IL17B: variants seen among roughly 807,000 people sequenced by gnomAD.
IL17B encodes interleukin 17B, also known as interleukin-17B.
In IL17B, 14 loss-of-function variants were observed where a neutral mutation model predicts 14.7. The observed-to-expected ratio is 0.95, with a 90% CI of 0.63 to 1.49. The LOEUF (loss-of-function observed/expected upper bound fraction) is 1.49, where lower values mean the gene tolerates loss of function less well. Among genes scored for constraint, IL17B ranks in the 40% most tolerant of loss-of-function variants. The pLI, the probability that IL17B is intolerant of heterozygous loss-of-function variation, is 0.00. For missense variants in IL17B, 233 were observed against 252.8 expected (o/e 0.92, Z 0.53); for synonymous variants, 105 against 94.8 (o/e 1.11, Z -0.62).
Position 149,374,521 on chromosome 5 carries a change from T to C in IL17B, c.391A>G (p.Thr131Ala), listed in dbSNP as rs777015384. 1 of 1,613,116 alleles carries C rather than the reference T, an allele frequency of 6.2e-7. No homozygotes were observed. The highest frequency in any genetic ancestry group is 1.3e-5 in the African/African-American group (1 of 74,922). Residue 131 changes from threonine to alanine, a missense_variant, in exon 3 of 3, where the codon ACC (threonine) becomes GCC (alanine). By Grantham distance (58) the Thr-to-Ala change is moderately conservative (BLOSUM62 0). Coordinates refer to ENST00000261796, the MANE Select transcript of IL17B (RefSeq NM_014443.3). This position sits in a 1 kb window ranked among gnomAD's most constrained non-coding sequence, Gnocchi z 5.0. ...ACCATGCTGCGGTCCTCCTGCATGG[T>C]GAAGGGGTTCACACAGCCCAGACAC... Reference protein sequence around the residue: ...CLCLGCVNPFTMQEDRSMVSV... With the variant: ...CLCLGCVNPFAMQEDRSMVSV...
chr5:149,400,969 C>CA (rs1759194217), intron 1 of IL17B, among the ~76,000 whole-genome samples: 1 of 152,180 alleles, frequency 6.6e-6, no homozygotes, highest in African/African-American at 2.4e-5. Flanking sequence ...TCTGCATTGG[C>CA]AAAAAGCGAT....
intron 1 of IL17B, among the ~76,000 whole-genome samples, chr5:149,398,850 C>T (rs1759150975): frequency 6.6e-6 from 1 of 152,104 alleles, no homozygotes; most frequent in Admixed American, 6.6e-5. Flanking sequence ...AGTTTGCAGC[C>T]CAGATGTCAC....
chr5:149,389,879 C>T (rs916940521), intron 1 of IL17B, among the ~76,000 whole-genome samples: 4 of 152,142 alleles, frequency 2.6e-5, no homozygotes, highest in South Asian at 4.1e-4. Context: ...GGGTGGTTTA[C>T]GAAGGCTTGG....
chr5:149,386,824 G>A (rs546765051), intron 1 of IL17B, among the ~76,000 whole-genome samples: 1 of 152,292 alleles, frequency 6.6e-6, no homozygotes, highest in East Asian at 1.9e-4. Context: ...TCATGCCTCA[G>A]CCTCCCAAGT....
At chr5:149,384,202 C>T (rs1057473327), upstream of IL17B, among the ~76,000 whole-genome samples, 5 of 152,224 alleles carry the variant, frequency 3.3e-5, no homozygotes, top group Admixed American at 3.3e-4. Context: ...AGCCCTCCTC[C>T]TGTGGGGAAA....
At chr5:149,396,909 G>A (rs6891312) in intron 1 of IL17B, among the ~76,000 whole-genome samples, 6,243 of 152,228 alleles carry the variant, frequency 0.041, 357 homozygotes, top group African/African-American at 0.13. Flanking sequence ...GACGAAGGGC[G>A]TTTTTTTAAG....
Position 149,377,012 on chromosome 5 carries a change from G to A in IL17B, c.35C>T (p.Thr12Ile). 5.1e-6 allele frequency: 8 copies of A among 1,553,752 alleles called. No individual in the cohort carries two copies. The highest frequency in any genetic ancestry group is 6.9e-6 in the Non-Finnish European group (8 of 1,155,552). The change falls in exon 2 of 3, where the codon ACC (threonine) becomes ATC (isoleucine). Residue 12 changes from threonine to isoleucine, a missense_variant. Physicochemically the swap from Thr to Ile is moderately conservative, Grantham distance 89. Coordinates refer to ENST00000261796, the MANE Select transcript of IL17B (RefSeq NM_014443.3). ...DWPHNLLFLL[T>I]ISIFLGLGQP... ...GCCCAGCCCCAGGAAGATGGAAATG[G>A]TAAGAAGAAACAGCTGGGGAGGAAA...
At chr5:149,400,854 G>A (rs1217392716) in intron 1 of IL17B, among the ~76,000 whole-genome samples, 1 of 152,184 alleles carries the variant, frequency 6.6e-6, no homozygotes, top group Non-Finnish European at 1.5e-5. Flanking sequence ...GAGCTCTGAT[G>A]TCTGAAGCCA....
chr5:149,395,704 G>A (rs62380285), intron 1 of IL17B, among the ~76,000 whole-genome samples: 5,301 of 152,120 alleles, frequency 0.035, 130 homozygotes, highest in Non-Finnish European at 0.05. Context: ...GAGGAGTCTC[G>A]CTCTGTTGCC....
At chr5:149,378,795 TG>T (rs1249692626) in intron 1 of IL17B, among the ~76,000 whole-genome samples, 1 of 152,246 alleles carries the variant, frequency 6.6e-6, no homozygotes, top group Non-Finnish European at 1.5e-5. Flanking sequence ...TCTTAAACTC[TG>T]GCTCTCCACT....
At chr5:149,379,385 G>T (rs536304812), upstream of IL17B, 1 of 802,742 alleles carries the variant, frequency 1.2e-6, no homozygotes, top group East Asian at 2.7e-5. Context: ...GGAGCCTTGG[G>T]CCCCCAGCTG....
intron 1 of IL17B, among the ~76,000 whole-genome samples, chr5:149,396,200 T>C (rs1455990671): frequency 6.6e-6 from 1 of 152,274 alleles, no homozygotes; most frequent in African/African-American, 2.4e-5. Context: ...AAATCCATTT[T>C]CTTTTGCAAA....
upstream of IL17B, among the ~76,000 whole-genome samples, chr5:149,383,846 T>C (rs533096706): frequency 2.6e-5 from 4 of 152,170 alleles, no homozygotes; most frequent in Admixed American, 6.5e-5. Context: ...GAAATGTGAG[T>C]TGGGGTAGGA....
At chr5:149,385,750 G>A (rs1284940976) in intron 1 of IL17B, among the ~76,000 whole-genome samples, 1 of 152,264 alleles carries the variant, frequency 6.6e-6, no homozygotes, top group Non-Finnish European at 1.5e-5. Flanking sequence ...CCCCAAAGCT[G>A]TCAGCGTCTC....
intron 2 of IL17B, among the ~76,000 whole-genome samples, chr5:149,376,326 G>A (rs181368630): frequency 2.6e-5 from 4 of 152,320 alleles, no homozygotes; most frequent in East Asian, 1.9e-4. Context: ...TTCTGATGCC[G>A]GCACTGGGAA....
chr5:149,379,955 G>A (rs1006724271), upstream of IL17B, among the ~76,000 whole-genome samples: 1 of 152,184 alleles, frequency 6.6e-6, no homozygotes, highest in African/African-American at 2.4e-5. Context: ...ATTTCAGCCT[G>A]CTGTGAACAT....
chr5:149,384,623 T>TG (rs1758782974), intron 1 of IL17B, among the ~76,000 whole-genome samples: 2 of 151,990 alleles, frequency 1.3e-5, no homozygotes, highest in South Asian at 4.2e-4. Flanking sequence ...GAAAGAGAGG[T>TG]GGGGGGTTAA....
chr5:149,379,429 C>T (rs1032929709), upstream of IL17B, among the ~76,000 whole-genome samples: 3 of 152,096 alleles, frequency 2.0e-5, no homozygotes, highest in Admixed American at 6.5e-5. Flanking sequence ...CGGTGAGGGG[C>T]GTGGGGGCAG....
rs570085013 is a variant in IL17B, at chr5:149,401,029, A to G, written n.95+3079T>C. 5.3e-5 allele frequency among the ~76,000 whole-genome samples: 8 copies of G among 152,366 alleles called. No individual in the cohort carries two copies. The South Asian group carries it at 1.5e-3, about 28-fold the overall frequency. On this transcript the variant is annotated intron_variant and non_coding_transcript_variant, in intron 1 of 2. Transcript: ENST00000505432. ...CAGAAACACACCAACAGACACATCC[A>G]GGAGCAATGCTTTACCAGCTATCTG...
Sources: gnomAD v4.1 joint callset for allele counts (sites outside exome capture counted in the v4.1 genomes callset) on GRCh38, gnomAD v4.1.1 for gene constraint, Gnocchi (gnomAD v3.1) non-coding constraint, MANE v1.5 for transcripts, NCBI Gene and HGNC (gene_info 2026-07-23, HGNC 2026-07-21) for gene names.